ASCC3: variants seen among roughly 807,000 people sequenced by gnomAD.
The protein encoded by ASCC3 is ASC-1 complex subunit P200.
A neutral mutation model predicts 256.3 loss-of-function variants in ASCC3; 158 were observed. The observed-to-expected ratio is 0.62, with a 90% CI of 0.54 to 0.70. The LOEUF (loss-of-function observed/expected upper bound fraction) is 0.70, where lower values mean the gene tolerates loss of function less well. Ranked by LOEUF, ASCC3 falls within the 30% of genes least tolerant of loss-of-function variation. The probability of loss-of-function intolerance (pLI) is 0.00; values close to 1 mark genes in which losing one functional copy is unlikely to be tolerated. For synonymous variants in ASCC3, 948 were observed against 883.4 expected (o/e 1.07, Z -1.30); for missense variants, 2,259 against 2,626.0 (o/e 0.86, Z 3.05).
rs754216184 is a variant in ASCC3, at chr6:100,509,988, A to G, written c.6405T>C (p.Tyr2135=). Residue 2135 remains tyrosine, a synonymous_variant, in exon 41 of 42, where the codon TAT becomes TAC. Transcript: ENST00000369162. The stretch of plus-strand genomic sequence containing the variant: ...GGGAAGCAACATGATGATTTCGAAT[A>G]TATCCTACTCTTTTCAAAGCAATAA... ...RELIALKRVG[Y]IRNHHVASLS... is the part of the protein sequence containing the mutation. 1.2e-6 allele frequency: 2 copies of G among 1,614,072 alleles called. No individual in the cohort carries two copies. The highest frequency in any genetic ancestry group is 1.7e-6 in the Non-Finnish European group (2 of 1,179,950).
chr6:100,735,016 A>T (rs1322232857), intron 10 of ASCC3, among the ~76,000 whole-genome samples: 1 of 152,178 alleles, frequency 6.6e-6, no homozygotes, highest in Non-Finnish European at 1.5e-5. Flanking sequence ...TACTTTAAAC[A>T]ACCTAAAATC....
chr6:100,671,335 C>T (rs567814162), intron 14 of ASCC3, among the ~76,000 whole-genome samples: 1 of 151,998 alleles, frequency 6.6e-6, no homozygotes, highest in Non-Finnish European at 1.5e-5. Flanking sequence ...TAGCACTACA[C>T]GGAGCCCAGG....
chr6:100,867,961 A>C lies in ASCC3; in HGVS notation c.37T>G (p.Phe13Val). 1 of 1,613,770 alleles carries C rather than the reference A, an allele frequency of 6.2e-7. No individual in the cohort carries two copies. Among genetic ancestry groups the C allele is most frequent in the Non-Finnish European group, 8.5e-7 (1 of 1,179,764 alleles). ...TTATCTTGCTTGGTGACATTTGAAA[A>C]GGAACGCAAGGCTCCTGTGAGACGA... ...LPRLTGALRS[F>V]SNVTKQDNYN... Residue 13 changes from phenylalanine to valine, a missense_variant, in exon 2 of 42, where the codon TTT becomes GTT. By Grantham distance (50) the Phe-to-Val change is conservative. Transcript: ENST00000369162.
intron 12 of ASCC3, among the ~76,000 whole-genome samples, chr6:100,716,121 AG>A (rs1779077495): frequency 6.6e-6 from 1 of 151,852 alleles, no homozygotes; most frequent in South Asian, 2.1e-4. Flanking sequence ...AGGGTCTCTA[AG>A]TATTTAAGGT....
At chr6:100,715,125 C>T (rs1779029680) in intron 13 of ASCC3, 2 of 169,822 alleles carry the variant, frequency 1.2e-5, no homozygotes, top group African/African-American at 4.8e-5. Context: ...AATAAAAGTG[C>T]TTAATTTCTA....
At chr6:100,874,242 C>A (rs374709133) in intron 1 of ASCC3, among the ~76,000 whole-genome samples, 2 of 151,926 alleles carry the variant, frequency 1.3e-5, no homozygotes, top group Admixed American at 1.3e-4. Context: ...CCGAGGCAGG[C>A]GGATCACGAG....
chr6:100,867,953 A>T lies in ASCC3; in HGVS notation c.45T>A (p.Asn15Lys). 4 of 1,613,862 alleles carry T rather than the reference A, an allele frequency of 2.5e-6. No homozygotes were observed. In the South Asian group the frequency reaches 4.4e-5, roughly 18 times the overall value. ...RLTGALRSFS[N>K]VTKQDNYNEE... ...CATTATAATTATCTTGCTTGGTGAC[A>T]TTTGAAAAGGAACGCAAGGCTCCTG... Residue 15 changes from asparagine (N) to lysine (K), a missense_variant, in exon 2 of 42, where the codon AAT becomes AAA. By Grantham distance (94) the Asn-to-Lys change is moderately conservative (BLOSUM62 0). Around this residue, in one of 2 missense-constraint regions of ASCC3, gnomAD observed 420 missense variants for 419.3 expected, o/e 1.00. Transcript: ENST00000369162.
chr6:100,558,560 A>G (rs1463279543), intron 36 of ASCC3, among the ~76,000 whole-genome samples: 2 of 152,126 alleles, frequency 1.3e-5, no homozygotes, highest in Non-Finnish European at 2.9e-5. Flanking sequence ...TGGAACATGT[A>G]AAATAAAGAA....
At chr6:100,614,756 CAAGT>C (rs1330629003) in intron 30 of ASCC3, among the ~76,000 whole-genome samples, 2 of 152,030 alleles carry the variant, frequency 1.3e-5, no homozygotes, top group African/African-American at 2.4e-5. Flanking sequence ...ATGCAGAAAA[CAAGT>C]AAGATTTGAA....
chr6:100,592,153 A>T (rs949288576), intron 34 of ASCC3, among the ~76,000 whole-genome samples: 1 of 151,746 alleles, frequency 6.6e-6, no homozygotes, highest in Non-Finnish European at 1.5e-5. Context: ...AAAAAAAAAA[A>T]AATCAACCTA....
intron 4 of ASCC3, among the ~76,000 whole-genome samples, chr6:100,843,977 T>A (rs1345328940): frequency 2.0e-5 from 3 of 151,572 alleles, no homozygotes; most frequent in Non-Finnish European, 4.4e-5. Flanking sequence ...TCACAAATCC[T>A]CACAGCAACA....
intron 19 of ASCC3, 82 bp downstream of exon 19, chr6:100,651,478 T>A: frequency 1.5e-6 from 1 of 670,418 alleles, no homozygotes. Context: ...ATACAGCTTA[T>A]ATGGTATTAA....
In ASCC3 at chr6:100,639,540, G is replaced by T. The variant is rs182899135; in HGVS notation, c.3902-719C>A. ...AACCAGAAGGCCACTTTACTCTCAA[G>T]ATTATTTCATGAAAGATAAATCCAG... On this transcript the variant is annotated intron_variant, in intron 24 of 41. Coordinates refer to ENST00000369162, the MANE Select transcript of ASCC3 (RefSeq NM_006828.4). 1.8e-4 allele frequency among the ~76,000 whole-genome samples: 27 copies of T among 152,232 alleles called. No individual in the cohort carries two copies. The South Asian group carries it at 2.1e-3, about 12-fold the overall frequency.
intron 13 of ASCC3, among the ~76,000 whole-genome samples, chr6:100,691,051 C>T (rs1416363426): frequency 6.6e-6 from 1 of 152,058 alleles, no homozygotes; most frequent in Non-Finnish European, 1.5e-5. Flanking sequence ...CAATACTTTA[C>T]ATCTCCTAAA....
chr6:100,728,850 A>T (rs1004158514), intron 10 of ASCC3, among the ~76,000 whole-genome samples: 1 of 152,088 alleles, frequency 6.6e-6, no homozygotes, highest in African/African-American at 2.4e-5. Flanking sequence ...TTCCATGTTT[A>T]TGGGGGCATA....
intron 36 of ASCC3, among the ~76,000 whole-genome samples, chr6:100,545,614 A>G (rs191518505): frequency 6.6e-6 from 1 of 151,978 alleles, no homozygotes; most frequent in Admixed American, 6.5e-5. Flanking sequence ...AAACAGAGAT[A>G]GGGCCTCACT....
chr6:100,583,765 C>G (rs1257750179), intron 36 of ASCC3, among the ~76,000 whole-genome samples: 1 of 151,966 alleles, frequency 6.6e-6, no homozygotes, highest in Non-Finnish European at 1.5e-5. Context: ...TTGAATGTGT[C>G]CCAGAGATTC....
chr6:100,722,075 T>C (rs1779367568), intron 11 of ASCC3, among the ~76,000 whole-genome samples: 1 of 151,918 alleles, frequency 6.6e-6, no homozygotes, highest in Non-Finnish European at 1.5e-5. Flanking sequence ...CTCAGCATTA[T>C]TTATTGAAGA....
intron 36 of ASCC3, among the ~76,000 whole-genome samples, chr6:100,546,488 T>C (rs1775723461): frequency 6.6e-6 from 1 of 152,152 alleles, no homozygotes; most frequent in African/African-American, 2.4e-5. Context: ...TAATGTATTT[T>C]AATAGCAAAC....
Sources: allele counts gnomAD v4.1 joint callset (sites outside exome capture counted in the v4.1 genomes callset), GRCh38; gene constraint gnomAD v4.1.1; regional missense constraint gnomAD v4.1.1; transcripts MANE v1.5; gene names NCBI Gene and HGNC (gene_info 2026-07-23, HGNC 2026-07-21).